Variants in POLR3B observed in about 807,000 individuals in gnomAD.
The protein encoded by POLR3B is DNA-directed RNA polymerase III subunit RPC2.
Under a neutral mutation model 147.4 loss-of-function variants are expected in POLR3B, and 96 were observed. The ratio of observed to expected loss-of-function variants is 0.65; its 90% confidence interval spans 0.55 to 0.77. POLR3B has a LOEUF of 0.77. Among genes scored for constraint, POLR3B ranks in the 30% least tolerant of loss-of-function variants. The pLI, the probability that POLR3B is intolerant of heterozygous loss-of-function variation, is 0.00. For synonymous variants in POLR3B, 461 were observed against 485.9 expected, an observed-to-expected ratio of 0.95 and a Z score of 0.67; for missense variants, 1,036 against 1,413.5, an observed-to-expected ratio of 0.73 and a Z score of 4.28.
chr12:106,484,733 AG>A (rs1255955782), intron 23 of POLR3B, among the ~76,000 whole-genome samples: 2 of 152,096 alleles, frequency 1.3e-5, no homozygotes, highest in African/African-American at 4.8e-5. Flanking sequence ...AGCCTCTCGG[AG>A]GAAGCGACAT....
In POLR3B at chr12:106,409,672, T is replaced by G. The variant is rs920976323; in HGVS notation, c.967-1154T>G. On this transcript the variant is annotated intron_variant, in intron 11 of 27. Coordinates refer to ENST00000228347, the MANE Select transcript of POLR3B (RefSeq NM_018082.6). Reference sequence around the variant, plus strand: ...AAATGTATGAAGGAGAATGCTTGCTTGTTTTTTTTTTTTTTGAATGCAGTC... The same window carrying G: ...AAATGTATGAAGGAGAATGCTTGCTGGTTTTTTTTTTTTTTGAATGCAGTC... Among the ~76,000 whole-genome samples the G allele has an allele frequency of 6.9e-5, 9 of 130,570 alleles. No homozygotes were observed. In the South Asian group the frequency reaches 1.4e-3, roughly 20 times the overall value. The allele number at this position is 130,570 out of a possible 152,430, so 85.7% of individuals were successfully genotyped here. A position where few individuals can be genotyped will look rare whatever the true frequency, so the allele number is the denominator to read the frequency against.
intron 20 of POLR3B, among the ~76,000 whole-genome samples, chr12:106,455,813 G>A (rs1246913322): frequency 1.3e-5 from 2 of 152,056 alleles, no homozygotes; most frequent in Non-Finnish European, 2.9e-5. Context: ...TGATGACTAC[G>A]GCCTTGCTTA....
chr12:106,484,467 G>A (rs2038310502), intron 23 of POLR3B, among the ~76,000 whole-genome samples: 1 of 151,960 alleles, frequency 6.6e-6, no homozygotes, highest in Non-Finnish European at 1.5e-5. Flanking sequence ...TCCTTGGGGA[G>A]GAAACAGACA....
chr12:106,496,956 G>A, intron 25 of POLR3B, 38 bp downstream of exon 25: 1 of 1,587,762 alleles, frequency 6.3e-7, no homozygotes, highest in Non-Finnish European at 8.6e-7. Flanking sequence ...GAAAAAGAAT[G>A]GTTTTACTAG....
At chr12:106,476,528 T>A (rs1304441406) in intron 23 of POLR3B, among the ~76,000 whole-genome samples, 1 of 107,144 alleles carries the variant, frequency 9.3e-6, no homozygotes, top group African/African-American at 4.6e-5. Flanking sequence ...TTTGGTCTTT[T>A]CACATAGTCC....
At chr12:106,404,337 C>A (rs936322473) in intron 10 of POLR3B, among the ~76,000 whole-genome samples, 4 of 152,164 alleles carry the variant, frequency 2.6e-5, no homozygotes, top group African/African-American at 9.6e-5. Flanking sequence ...AGGTGATCTG[C>A]CCGCCTCGGC....
At chr12:106,372,462 C>T (rs1040694059) in intron 6 of POLR3B, among the ~76,000 whole-genome samples, 2 of 151,586 alleles carry the variant, frequency 1.3e-5, no homozygotes, top group Non-Finnish European at 2.9e-5. Context: ...CTCAACCTCC[C>T]GAGTAGCTGG....
At chr12:106,501,254 G>A (rs1363318355) in intron 25 of POLR3B, 69 bp from the exon 26 acceptor site, 3 of 909,600 alleles carry the variant, frequency 3.3e-6, no homozygotes, top group African/African-American at 3.2e-5. Flanking sequence ...GCCAGTGATG[G>A]GTCCAAAGGC....
At chr12:106,359,671 C>A in intron 1 of POLR3B, among the ~76,000 whole-genome samples, 1 of 152,320 alleles carries the variant, frequency 6.6e-6, no homozygotes, top group Admixed American at 6.5e-5. Context: ...ATCAAAGAGC[C>A]AGCATTCACT....
At chr12:106,404,695 A>G (rs2037125567) in intron 10 of POLR3B, among the ~76,000 whole-genome samples, 3 of 152,240 alleles carry the variant, frequency 2.0e-5, no homozygotes, top group South Asian at 4.1e-4. Context: ...CTCCCAGTCC[A>G]TTAACTCCCT....
chr12:106,479,539 C>G (rs2038233533), intron 23 of POLR3B, among the ~76,000 whole-genome samples: 1 of 151,702 alleles, frequency 6.6e-6, no homozygotes, highest in East Asian at 1.9e-4. Context: ...CGCCACCATG[C>G]CTAGCTAATT....
At chr12:106,374,283 C>T (rs1255264150) in intron 6 of POLR3B, among the ~76,000 whole-genome samples, 1 of 152,144 alleles carries the variant, frequency 6.6e-6, no homozygotes, top group African/African-American at 2.4e-5. Context: ...ATGGTACACT[C>T]ATGGCTCACT....
intron 11 of POLR3B, among the ~76,000 whole-genome samples, chr12:106,407,858 G>A (rs1013347745): frequency 6.6e-6 from 1 of 152,012 alleles, no homozygotes; most frequent in African/African-American, 2.4e-5. Context: ...GTGCTTTTCT[G>A]TGGTTGCATG....
intron 10 of POLR3B, among the ~76,000 whole-genome samples, chr12:106,403,999 A>G (rs1440821335): frequency 6.6e-6 from 1 of 152,052 alleles, no homozygotes; most frequent in Non-Finnish European, 1.5e-5. Flanking sequence ...GTTGAATCAG[A>G]GAGCAGATAT....
At chr12:106,432,224 T>C (rs1432122681) in intron 14 of POLR3B, 94 bp from the exon 15 acceptor site, 1 of 1,169,718 alleles carries the variant, frequency 8.5e-7, no homozygotes, top group Non-Finnish European at 1.3e-6. Flanking sequence ...TGCTTTGCAT[T>C]GCTGCCAGCA....
chr12:106,463,661 A>T (rs775523173), intron 23 of POLR3B, 41 bp downstream of exon 23: 132 of 1,544,302 alleles, frequency 8.5e-5, no homozygotes, highest in Non-Finnish European at 1.2e-4. Flanking sequence ...AAAACAATAT[A>T]TGAATGTATT....
intron 10 of POLR3B, among the ~76,000 whole-genome samples, chr12:106,405,646 T>C (rs1284253970): frequency 1.3e-5 from 2 of 151,988 alleles, no homozygotes; most frequent in Non-Finnish European, 2.9e-5. Context: ...TTTTTTTTAG[T>C]AAGAGAAAAA....
At chr12:106,398,330 C>T (rs11112975) in intron 10 of POLR3B, among the ~76,000 whole-genome samples, 1 of 152,190 alleles carries the variant, frequency 6.6e-6, no homozygotes, top group African/African-American at 2.4e-5. Flanking sequence ...AACAAAGCGG[C>T]TGGGAAGCTC....
intron 8 of POLR3B, among the ~76,000 whole-genome samples, chr12:106,379,240 A>G (rs76293289): frequency 6.6e-6 from 1 of 152,190 alleles, no homozygotes. Context: ...TTGAACCCAG[A>G]TACGGTTAAT....
Sources: allele counts gnomAD v4.1 joint callset (sites outside exome capture counted in the v4.1 genomes callset), GRCh38; gene constraint gnomAD v4.1.1; transcripts MANE v1.5; gene names NCBI Gene and HGNC (gene_info 2026-07-23, HGNC 2026-07-21).